The following GRM5 variants were observed in gnomAD, a reference collection of about 807,000 sequenced individuals.
The protein encoded by GRM5 is metabotropic glutamate receptor 5.
In GRM5, 19 loss-of-function variants were observed where a neutral mutation model predicts 83.1. That is an observed-to-expected ratio of 0.23 (90% CI 0.16 to 0.34). GRM5 has a LOEUF of 0.34. Ranked by LOEUF, GRM5 falls within the 10% of genes least tolerant of loss-of-function variation. The probability of loss-of-function intolerance (pLI) is 1.00; values close to 1 mark genes in which losing one functional copy is unlikely to be tolerated. For synonymous variants in GRM5, 675 were observed against 633.6 expected, an observed-to-expected ratio of 1.07 and a Z score of -0.98; for missense variants, 1,160 against 1,588.3, an observed-to-expected ratio of 0.73 and a Z score of 4.58.
chr11:88,751,115 G>T (rs1014086885), intron 3 of GRM5, among the ~76,000 whole-genome samples: 6 of 130,790 alleles, frequency 4.6e-5, no homozygotes, highest in Non-Finnish European at 8.0e-5. Context: ...AAATCAGAGT[G>T]GAAATAAAGG....
At chr11:88,609,331 T>G (rs369751711) in intron 4 of GRM5, among the ~76,000 whole-genome samples, 1 of 152,322 alleles carries the variant, frequency 6.6e-6, no homozygotes, top group East Asian at 1.9e-4. Context: ...TGATTTTGTT[T>G]GGCTGTTTAG....
At chr11:88,590,813 C>T in intron 6 of GRM5, 86 bp from the exon 7 acceptor site, 1 of 910,216 alleles carries the variant, frequency 1.1e-6, no homozygotes, top group Non-Finnish European at 1.7e-6. Flanking sequence ...TTTTGCAAAG[C>T]AGAAAGGCCT....
intron 2 of GRM5, among the ~76,000 whole-genome samples, chr11:88,898,599 C>T (rs1424771175): frequency 1.1e-4 from 17 of 151,932 alleles, no homozygotes; most frequent in African/African-American, 2.7e-4. Context: ...AATATATATA[C>T]GGTCACCCTG....
chr11:88,542,196 A>AT (rs1247859228), intron 8 of GRM5, among the ~76,000 whole-genome samples: 1 of 152,212 alleles, frequency 6.6e-6, no homozygotes, highest in Non-Finnish European at 1.5e-5. Context: ...CCTTTCACCG[A>AT]TAAAAATAAC....
intron 2 of GRM5, among the ~76,000 whole-genome samples, chr11:88,903,236 A>T (rs1321270885): frequency 3.3e-5 from 5 of 152,048 alleles, no homozygotes; most frequent in Non-Finnish European, 1.5e-5. Context: ...AGAAGAGGAG[A>T]TATGAGAGGA....
intron 2 of GRM5, among the ~76,000 whole-genome samples, chr11:88,955,498 A>G (rs1938581626): frequency 6.6e-6 from 1 of 152,242 alleles, no homozygotes; most frequent in African/African-American, 2.4e-5. Flanking sequence ...TTAACAAAAA[A>G]TGTACATTTC....
chr11:88,838,992 T>C (rs1944143832), intron 3 of GRM5, among the ~76,000 whole-genome samples: 1 of 152,096 alleles, frequency 6.6e-6, no homozygotes, highest in Admixed American at 6.5e-5. Context: ...ACTTTTAAGC[T>C]ATATCTGCCC....
rs68153026 is a variant in GRM5, at chr11:88,616,389, G to GT, written c.1148-11426dup. Among the ~76,000 whole-genome samples the GT allele has an allele frequency of 7.5e-3, 718 of 95,730 alleles. 6 individuals are homozygous for GT. Among genetic ancestry groups the GT allele is most frequent in the East Asian group, 0.062 (171 of 2,746 alleles). The allele number at this position is 95,730 out of a possible 152,430, so 62.8% of individuals were successfully genotyped here. On this transcript the variant is annotated intron_variant, in intron 4 of 9. Transcript: ENST00000305447. ...GTTGGATAAGATAGGGCTTTGGAGT[G>GT]TTTTTTTTTTTTTTTTTTTTTTTTT...
At chr11:89,041,046 C>G (rs1941520527) in intron 2 of GRM5, among the ~76,000 whole-genome samples, 1 of 152,186 alleles carries the variant, frequency 6.6e-6, no homozygotes, top group Non-Finnish European at 1.5e-5. Flanking sequence ...GCAACTTCAA[C>G]AGAAGTGGCT....
Position 88,737,200 on chromosome 11 carries a change from C to T in GRM5, c.912-83797G>A, listed in dbSNP as rs539654247. ...CTCATAAGTTACTGCTTCTTATGCT[C>T]AGACACAGATTTCATTGTGGATGTC... On this transcript the variant is annotated intron_variant, in intron 3 of 9. Transcript: ENST00000305447. Among the ~76,000 whole-genome samples, 16 of 152,172 alleles carry T rather than the reference C, an allele frequency of 1.1e-4. No individual in the cohort carries two copies. In the East Asian group the frequency reaches 3.1e-3, roughly 30 times the overall value.
At position 88,509,368 on chromosome 11, in the gene GRM5, T is replaced by C; in HGVS notation, c.2863A>G (p.Ser955Gly). ...GCGCCCAGGCCACGGCTCTCCGTGCTCTTGGGGAAGGGCTTGATGACGGCC... is the reference window on the plus strand; with the variant it reads ...GCGCCCAGGCCACGGCTCTCCGTGCCCTTGGGGAAGGGCTTGATGACGGCC... The part of the protein sequence containing the change: ...QTAVIKPFPK[S>G]TESRGLGAGA... The change falls in exon 10 of 10, where the codon AGC (serine) becomes GGC (glycine). Residue 955 changes from serine (S) to glycine (G), a missense_variant. Around this residue, in one of 9 missense-constraint regions of GRM5, gnomAD observed 562 missense variants for 532.4 expected, o/e 1.06. Coordinates refer to ENST00000305447, the MANE Select transcript of GRM5 (RefSeq NM_001143831.3). 6.2e-7 allele frequency: 1 copy of C among 1,612,012 alleles called. No individual in the cohort carries two copies.
In GRM5 at chr11:88,593,862, C is replaced by A. The variant is rs150469613; in HGVS notation, c.1564-3135G>T. The stretch of plus-strand genomic sequence containing the variant: ...AGGCTGGAGTGCAGTGGCGCCATCT[C>A]GGCTCACTGCAAGCTCCTCCTCCCG... On this transcript the variant is annotated intron_variant, in intron 6 of 9. Transcript: ENST00000305447. Among the ~76,000 whole-genome samples, 1,478 of 150,486 alleles carry A rather than the reference C, an allele frequency of 9.8e-3. 17 individuals are homozygous for A. The highest frequency in any genetic ancestry group is 0.074 in the East Asian group (361 of 4,886).
intron 2 of GRM5, among the ~76,000 whole-genome samples, chr11:88,972,288 G>A (rs1452449158): frequency 1.3e-5 from 2 of 151,986 alleles, no homozygotes; most frequent in African/African-American, 2.4e-5. Context: ...AACATTTCAA[G>A]TCTGTAATAA....
At chr11:89,016,946 A>C (rs756688004) in intron 2 of GRM5, among the ~76,000 whole-genome samples, 6 of 152,190 alleles carry the variant, frequency 3.9e-5, no homozygotes, top group Admixed American at 1.3e-4. Context: ...TGTTTGTAGA[A>C]AGAAAAGCTA....
intron 3 of GRM5, among the ~76,000 whole-genome samples, chr11:88,793,040 T>G: frequency 6.6e-6 from 1 of 152,124 alleles, no homozygotes; most frequent in East Asian, 1.9e-4. Context: ...AGTATAGCAC[T>G]AGCCTTATGT....
chr11:88,731,762 C>T (rs964038277), intron 3 of GRM5, among the ~76,000 whole-genome samples: 2 of 151,940 alleles, frequency 1.3e-5, no homozygotes, highest in African/African-American at 4.8e-5. Flanking sequence ...GTCAGATTTG[C>T]TCAAGAGTAG....
intron 8 of GRM5, among the ~76,000 whole-genome samples, chr11:88,563,167 T>A (rs1942796340): frequency 6.6e-6 from 1 of 152,222 alleles, no homozygotes. Context: ...AAACACTTAA[T>A]GCATATTACC....
chr11:88,659,149 G>C (rs963426517), intron 3 of GRM5, among the ~76,000 whole-genome samples: 5 of 152,148 alleles, frequency 3.3e-5, no homozygotes, highest in African/African-American at 1.2e-4. Flanking sequence ...AACTTGTGGG[G>C]CATAGAAGGT....
Position 88,597,208 on chromosome 11 carries a change from T to G in GRM5, c.1539A>C (p.Glu513Asp), listed in dbSNP as rs199886868. ...CCTTGATCTGGCCTTTCTCACATGG[T>G]TCACTGCACACAGATCTGATGATGT... ...KSNIIRSVCS[E>D]PCEKGQIKVI... The change falls in exon 6 of 10, where the codon GAA becomes GAC. Residue 513 changes from glutamate to aspartate, a missense_variant. By Grantham distance (45) the Glu-to-Asp change is conservative. Around this residue, in one of 9 missense-constraint regions of GRM5, gnomAD observed 132 missense variants for 245.5 expected, o/e 0.54. Coordinates refer to ENST00000305447, the MANE Select transcript of GRM5 (RefSeq NM_001143831.3). The G allele has an allele frequency of 3.0e-5, 48 of 1,596,042 alleles. No individual in the cohort carries two copies. Among genetic ancestry groups the G allele is most frequent in the Non-Finnish European group, 3.8e-5 (44 of 1,172,742 alleles).
Sources: allele counts gnomAD v4.1 joint callset (sites outside exome capture counted in the v4.1 genomes callset), GRCh38; gene constraint gnomAD v4.1.1; regional missense constraint gnomAD v4.1.1; transcripts MANE v1.5; gene names NCBI Gene and HGNC (gene_info 2026-07-23, HGNC 2026-07-21).